The following GPC6 variants were observed in gnomAD, a reference collection of about 807,000 sequenced individuals.
GPC6 encodes the protein glypican-6.
Under a neutral mutation model 55.2 loss-of-function variants are expected in GPC6, and 14 were observed. That is an observed-to-expected ratio of 0.25 (90% CI 0.17 to 0.40). GPC6 has a LOEUF of 0.40. GPC6 is among the 10% of genes least tolerant of loss of function. The pLI is 1.00. For missense variants in GPC6, 641 were observed against 708.5 expected (o/e 0.90, Z 1.08); for synonymous variants, 278 against 259.6 (o/e 1.07, Z -0.68).
Position 93,789,614 on chromosome 13 carries a change from T to C in GPC6, c.320-40540T>C, listed in dbSNP as rs1157108441. 8.9e-3 allele frequency among the ~76,000 whole-genome samples: 349 copies of C among 39,376 alleles called. 14 individuals are homozygous for C. The highest frequency in any genetic ancestry group is 0.037 in the African/African-American group (323 of 8,828). 25.8% of individuals were successfully genotyped at this position (39,376 alleles called of 152,430 possible). A position where few individuals can be genotyped will look rare whatever the true frequency, so the allele number is the denominator to read the frequency against. ...ATAATACTACATATATATATATATA[T>C]ATATATATATATATATATATATATA... On this transcript the variant is annotated intron_variant, in intron 2 of 8. Coordinates refer to ENST00000377047, the MANE Select transcript of GPC6 (RefSeq NM_005708.5).
chr13:93,346,341 G>A (rs1292844446), intron 1 of GPC6, among the ~76,000 whole-genome samples: 2 of 152,162 alleles, frequency 1.3e-5, no homozygotes, highest in Non-Finnish European at 1.5e-5. Context: ...CTTGTTTCCT[G>A]TATATAATTG....
At chr13:93,867,326 A>G (rs980022935) in intron 3 of GPC6, among the ~76,000 whole-genome samples, 7 of 151,750 alleles carry the variant, frequency 4.6e-5, no homozygotes, top group Admixed American at 6.6e-5. Flanking sequence ...GAGGTAGGGC[A>G]TGACAGCCTG....
chr13:94,381,634 AT>A (rs1333683019), intron 6 of GPC6, among the ~76,000 whole-genome samples: 2 of 152,224 alleles, frequency 1.3e-5, no homozygotes, highest in East Asian at 3.8e-4. Flanking sequence ...GAGGAAAAGA[AT>A]TCAATTCATA....
intron 1 of GPC6, among the ~76,000 whole-genome samples, chr13:93,481,515 C>T (rs1304172701): frequency 6.6e-6 from 1 of 151,982 alleles, no homozygotes; most frequent in African/African-American, 2.4e-5. Context: ...GATTATGGAT[C>T]TTTACTCTTG....
chr13:93,808,665 A>G (rs1861290185), intron 2 of GPC6, among the ~76,000 whole-genome samples: 1 of 152,238 alleles, frequency 6.6e-6, no homozygotes, highest in South Asian at 2.1e-4. Context: ...CAGAACTCCT[A>G]TGGAAAGCAA....
chr13:93,731,077 G>T (rs907832038), intron 2 of GPC6, among the ~76,000 whole-genome samples: 2 of 152,088 alleles, frequency 1.3e-5, no homozygotes, highest in African/African-American at 4.8e-5. Context: ...TTGTCATGAG[G>T]GAGTGTGGGA....
chr13:93,252,482 A>G (rs1227517952), intron 1 of GPC6, among the ~76,000 whole-genome samples: 1 of 152,170 alleles, frequency 6.6e-6, no homozygotes, highest in African/African-American at 2.4e-5. Context: ...ACCAAGTAAA[A>G]TCCAACCCTG....
chr13:93,326,973 C>T (rs1451162678), intron 1 of GPC6, among the ~76,000 whole-genome samples: 1 of 152,172 alleles, frequency 6.6e-6, no homozygotes, highest in African/African-American at 2.4e-5. Context: ...TATTGGTTTT[C>T]ACTGGTTGAT....
chr13:93,293,508 T>A (rs1594077925), intron 1 of GPC6, among the ~76,000 whole-genome samples: 1 of 83,694 alleles, frequency 1.2e-5, no homozygotes, highest in Non-Finnish European at 2.2e-5. Context: ...TTGTGATTTG[T>A]GAAAATGTAA....
intron 3 of GPC6, among the ~76,000 whole-genome samples, chr13:93,882,080 C>G (rs1875015336): frequency 6.6e-6 from 1 of 150,852 alleles, no homozygotes; most frequent in African/African-American, 2.4e-5. Context: ...CTTTTCTCTT[C>G]TTTTTTTTCT....
chr13:93,590,527 C>G (rs998686956), intron 2 of GPC6, among the ~76,000 whole-genome samples: 1 of 151,984 alleles, frequency 6.6e-6, no homozygotes. Context: ...CACTTATATG[C>G]TATATCTTGA....
intron 2 of GPC6, among the ~76,000 whole-genome samples, chr13:93,802,937 T>A (rs550068676): frequency 8.5e-5 from 13 of 152,324 alleles, no homozygotes; most frequent in Admixed American, 3.3e-4. Context: ...CATCACTTTT[T>A]AGTATTCATG....
intron 1 of GPC6, among the ~76,000 whole-genome samples, chr13:93,455,592 A>G (rs1389755968): frequency 6.6e-6 from 1 of 152,156 alleles, no homozygotes; most frequent in Non-Finnish European, 1.5e-5. Flanking sequence ...GCCAGGAAAG[A>G]AAACCCAAGA....
intron 3 of GPC6, among the ~76,000 whole-genome samples, chr13:93,947,586 T>G (rs1003698964): frequency 6.6e-6 from 1 of 152,170 alleles, no homozygotes; most frequent in Admixed American, 6.5e-5. Context: ...TGATGCCTAA[T>G]TTCCCAAAGT....
chr13:93,893,022 A>G lies in GPC6; in HGVS notation c.711+62477A>G, dbSNP rs151198271. ...GTCGTGTTGTCCTTCAGCAACAGGT[A>G]AGAAATACCCAAATTTTTGCCAGTA... On this transcript the variant is annotated intron_variant, in intron 3 of 8. Coordinates refer to ENST00000377047, the MANE Select transcript of GPC6 (RefSeq NM_005708.5). Among the ~76,000 whole-genome samples, 400 of 152,196 alleles carry G rather than the reference A, an allele frequency of 2.6e-3. 1 individual carries two copies. The highest frequency in any genetic ancestry group is 9.2e-3 in the African/African-American group (381 of 41,524).
intron 4 of GPC6, among the ~76,000 whole-genome samples, chr13:94,079,208 A>G (rs1485271887): frequency 6.6e-6 from 1 of 152,088 alleles, no homozygotes; most frequent in Non-Finnish European, 1.5e-5. Context: ...GCGGATTTTT[A>G]TATTTCACGG....
chr13:94,351,686 C>T (rs951000905), intron 6 of GPC6, among the ~76,000 whole-genome samples: 7 of 152,106 alleles, frequency 4.6e-5, no homozygotes, highest in East Asian at 1.9e-4. Flanking sequence ...TGGATCTGAT[C>T]TGCCTTCTAT....
At chr13:93,526,500 A>G (rs910130260) in intron 1 of GPC6, among the ~76,000 whole-genome samples, 3 of 152,106 alleles carry the variant, frequency 2.0e-5, no homozygotes, top group African/African-American at 4.8e-5. Context: ...AATGCTATCA[A>G]TATCTTCCTT....
rs1223053868 is a variant in GPC6, at chr13:93,295,923, G to A, written c.160+68307G>A. Among the ~76,000 whole-genome samples, 4 of 151,956 alleles carry A rather than the reference G, an allele frequency of 2.6e-5. No individual in the cohort carries two copies. The East Asian group carries it at 7.8e-4, about 29-fold the overall frequency. ...AGATGGAGTTTTACCATGTTGGCCA[G>A]GCTCGTCTTGAACTCCTGGGCTCAA... is the stretch of plus-strand genomic sequence containing the variant. On this transcript the variant is annotated intron_variant, in intron 1 of 8. Coordinates refer to ENST00000377047, the MANE Select transcript of GPC6 (RefSeq NM_005708.5).
Sources: gnomAD v4.1 joint callset for allele counts (sites outside exome capture counted in the v4.1 genomes callset) on GRCh38, gnomAD v4.1.1 for gene constraint, MANE v1.5 for transcripts, NCBI Gene and HGNC (gene_info 2026-07-23, HGNC 2026-07-21) for gene names.